Variants in SLIT1 observed in about 807,000 individuals in gnomAD.
The protein encoded by SLIT1 is slit guidance ligand 1, also known as slit homolog 1 protein.
In SLIT1, 66 loss-of-function variants were observed where a neutral mutation model predicts 186.1. The observed-to-expected ratio is 0.35, with a 90% CI of 0.29 to 0.44. SLIT1 has a LOEUF of 0.44. Among genes scored for constraint, SLIT1 ranks in the 20% least tolerant of loss-of-function variants. The pLI, the probability that SLIT1 is intolerant of heterozygous loss-of-function variation, is 1.00. For missense variants in SLIT1, 1,638 were observed against 2,037.4 expected (o/e 0.80, Z 3.77); for synonymous variants, 761 against 833.8 (o/e 0.91, Z 1.50).
chr10:97,141,632 T>C (rs1849758576), intron 4 of SLIT1, among the ~76,000 whole-genome samples: 1 of 152,214 alleles, frequency 6.6e-6, no homozygotes, highest in Non-Finnish European at 1.5e-5. Context: ...TTTAGCCACC[T>C]TAATGCACTG....
In SLIT1 at chr10:97,021,305, C is replaced by T. The variant is rs1294841936; in HGVS notation, c.2691G>A (p.Gln897=). ...EPGIARCAGP[Q]DMEGKLLLTT... ...TGAGGAGCAGCTTGCCCTCCATGTC[C>T]TGGGGCCCAGCACAACGAGCAATGC... Residue 897 remains glutamine, a synonymous_variant, in exon 26 of 37, where the codon CAG becomes CAA. Coordinates refer to ENST00000266058, the MANE Select transcript of SLIT1 (RefSeq NM_003061.3). This position sits in a 1 kb window ranked among gnomAD's most constrained non-coding sequence, Gnocchi z 4.5. The T allele has an allele frequency of 6.2e-7, 1 of 1,614,086 alleles. No homozygotes were observed. The highest frequency in any genetic ancestry group is 2.2e-5 in the East Asian group (1 of 44,904).
chr10:97,147,141 T>A (rs1004802353), intron 4 of SLIT1, among the ~76,000 whole-genome samples: 19 of 152,118 alleles, frequency 1.2e-4, no homozygotes, highest in Non-Finnish European at 1.9e-4. Context: ...TGGATGGACC[T>A]CAAAAGTGCT....
intron 4 of SLIT1, chr10:97,153,294 A>G (rs1849902116): frequency 6.6e-6 from 1 of 152,238 alleles, no homozygotes; most frequent in Non-Finnish European, 1.5e-5. Context: ...CCCTAACAGG[A>G]TTTTAACTTC....
intron 4 of SLIT1, among the ~76,000 whole-genome samples, chr10:97,123,378 C>T (rs1424383428): frequency 6.6e-6 from 1 of 152,222 alleles, no homozygotes; most frequent in Non-Finnish European, 1.5e-5. Flanking sequence ...GTAGAGCAAC[C>T]TCCCTTCATT....
intron 21 of SLIT1, among the ~76,000 whole-genome samples, chr10:97,038,658 C>T (rs1589370870): frequency 6.6e-6 from 1 of 152,232 alleles, no homozygotes; most frequent in Non-Finnish European, 1.5e-5. Flanking sequence ...AGCTGAGCTC[C>T]AGCACAGGAT....
rs1026545334 is a variant in SLIT1, at chr10:97,163,310, C to T, written c.341+70G>A. 4 of 1,345,360 alleles carry T rather than the reference C, an allele frequency of 3.0e-6. No individual in the cohort carries two copies. The African/African-American group carries it at 4.3e-5, about 14-fold the overall frequency. 83.3% of individuals were successfully genotyped at this position (1,345,360 alleles called of 1,614,324 possible). A position where few individuals can be genotyped will look rare whatever the true frequency, so the allele number is the denominator to read the frequency against. On this transcript the variant is annotated intron_variant, in intron 3 of 36. Transcript: ENST00000266058. ...CATGAGTGCCCCTCATCCCTGGCAG[C>T]AGCTTGGCCTGCCAGTTCCCTCTCG...
intron 4 of SLIT1, among the ~76,000 whole-genome samples, chr10:97,101,148 A>T (rs1185805318): frequency 1.3e-5 from 2 of 152,184 alleles, no homozygotes; most frequent in Non-Finnish European, 2.9e-5. Flanking sequence ...CCTCGCAAGG[A>T]GACCAGATAC....
intron 4 of SLIT1, among the ~76,000 whole-genome samples, chr10:97,138,332 C>T (rs969345336): frequency 2.0e-5 from 3 of 152,218 alleles, no homozygotes; most frequent in Non-Finnish European, 2.9e-5. Flanking sequence ...CTGTGCCTTC[C>T]GCAATGTACA....
chr10:97,086,326 T>C (rs1849158831), intron 4 of SLIT1, among the ~76,000 whole-genome samples: 1 of 152,126 alleles, frequency 6.6e-6, no homozygotes, highest in Non-Finnish European at 1.5e-5. Context: ...TCCCAGCACT[T>C]TGGGAGGCTG....
At chr10:97,048,301 G>C (rs1015116941) in intron 14 of SLIT1, among the ~76,000 whole-genome samples, 3 of 152,162 alleles carry the variant, frequency 2.0e-5, no homozygotes, top group African/African-American at 7.2e-5. Context: ...TACAGGTGGC[G>C]TCAGGACCTT....
chr10:97,053,430 G>T (rs1848808746), intron 13 of SLIT1, among the ~76,000 whole-genome samples: 1 of 152,096 alleles, frequency 6.6e-6, no homozygotes, highest in African/African-American at 2.4e-5. Context: ...GCAAATTTGT[G>T]GGCTTTAATG....
rs1391136370 is a variant in SLIT1, at chr10:97,184,694, T to G, written c.197+784A>C. On this transcript the variant is annotated intron_variant, in intron 1 of 36. Coordinates refer to ENST00000266058, the MANE Select transcript of SLIT1 (RefSeq NM_003061.3). This position sits in a 1 kb window ranked among gnomAD's most constrained non-coding sequence, Gnocchi z 4.4. ...GAACAGGGGAAGAGAAATGCTATTT[T>G]TTTATTACTTGTCATGGTCAATATC... Among the ~76,000 whole-genome samples the G allele has an allele frequency of 6.6e-6, 1 of 152,166 alleles. No homozygotes were observed. Among genetic ancestry groups the G allele is most frequent in the Non-Finnish European group, 1.5e-5 (1 of 68,020 alleles).
chr10:97,150,616 C>T (rs1425873179), intron 4 of SLIT1, among the ~76,000 whole-genome samples: 1 of 141,486 alleles, frequency 7.1e-6, no homozygotes, highest in Non-Finnish European at 1.5e-5. Context: ...CCAGCAGAGA[C>T]ACAAAAGGTC....
chr10:97,140,173 G>A (rs984902285), intron 4 of SLIT1, among the ~76,000 whole-genome samples: 3 of 152,062 alleles, frequency 2.0e-5, no homozygotes, highest in Admixed American at 1.3e-4. Flanking sequence ...CCCTGCCAAG[G>A]CGGGTGTCTC....
At chr10:97,060,494 C>A in intron 9 of SLIT1, 146 bp downstream of exon 9, 1 of 1,035,934 alleles carries the variant, frequency 9.7e-7, no homozygotes, top group Non-Finnish European at 1.4e-6. Flanking sequence ...AAGCTCAGCC[C>A]AGCAGAGGCA....
intron 4 of SLIT1, among the ~76,000 whole-genome samples, chr10:97,116,451 C>A (rs1849510997): frequency 6.6e-6 from 1 of 152,110 alleles, no homozygotes; most frequent in Non-Finnish European, 1.5e-5. Flanking sequence ...AGAGTGGAGG[C>A]TGCTGATGAG....
chr10:97,033,749 G>A (rs1268520102), intron 23 of SLIT1, among the ~76,000 whole-genome samples: 1 of 152,066 alleles, frequency 6.6e-6, no homozygotes, highest in Non-Finnish European at 1.5e-5. Context: ...TGGTAATGCT[G>A]TAAAGAAAAT....
At chr10:97,060,988 G>A (rs1477003193) in intron 8 of SLIT1, among the ~76,000 whole-genome samples, 1 of 152,264 alleles carries the variant, frequency 6.6e-6, no homozygotes, top group African/African-American at 2.4e-5. Context: ...GTTCTTGTCA[G>A]ATGTTTGCTG....
intron 30 of SLIT1, 43 bp downstream of exon 30, chr10:97,013,698 G>A (rs1253991799): frequency 1.1e-5 from 15 of 1,416,114 alleles, no homozygotes; most frequent in Non-Finnish European, 2.0e-6. Flanking sequence ...TCTGACTCAG[G>A]GGCCTGAGCT....
Sources: allele counts gnomAD v4.1 joint callset (sites outside exome capture counted in the v4.1 genomes callset), GRCh38; gene constraint gnomAD v4.1.1; non-coding constraint Gnocchi (gnomAD v3.1); transcripts MANE v1.5; gene names NCBI Gene and HGNC (gene_info 2026-07-23, HGNC 2026-07-21).